KLF12: variants seen among roughly 807,000 people sequenced by gnomAD.
The protein encoded by KLF12 is Krueppel-like factor 12.
In KLF12, 9 loss-of-function variants were observed where a neutral mutation model predicts 37.8. The ratio of observed to expected loss-of-function variants is 0.24; its 90% CI spans 0.14 to 0.42. The LOEUF is 0.42. Among genes scored for constraint, KLF12 ranks in the 10% least tolerant of loss-of-function variants. The pLI is 1.00. For synonymous variants in KLF12, 208 were observed against 202.1 expected (o/e 1.03, Z -0.25); for missense variants, 411 against 516.0 (o/e 0.80, Z 1.97).
At chr13:74,305,259 C>T in the KLF12 span, among the ~76,000 whole-genome samples, 2 of 152,074 alleles carry the variant, frequency 1.3e-5, no homozygotes, top group Non-Finnish European at 2.9e-5. Context: ...GCTATATTTC[C>T]GTTGCTTTTG....
chr13:74,235,332 A>G, the KLF12 span, among the ~76,000 whole-genome samples: 25 of 152,242 alleles, frequency 1.6e-4, no homozygotes, highest in Non-Finnish European at 1.0e-4. Flanking sequence ...ACATGTGTCA[A>G]GAGTTTATCT....
chr13:74,278,472 A>C, the KLF12 span, among the ~76,000 whole-genome samples: 1 of 152,148 alleles, frequency 6.6e-6, no homozygotes, highest in Non-Finnish European at 1.5e-5. Flanking sequence ...TCCTTCTTCC[A>C]CAAGGGAATC....
chr13:74,051,483 C>G (rs1423184370), intron 1 of KLF12, among the ~76,000 whole-genome samples: 2 of 151,832 alleles, frequency 1.3e-5, no homozygotes, highest in Non-Finnish European at 2.9e-5. Flanking sequence ...GGGCATGAAA[C>G]AGGAAGAAGA....
chr13:73,835,514 A>G (rs1243021442), intron 4 of KLF12, among the ~76,000 whole-genome samples: 1 of 152,066 alleles, frequency 6.6e-6, no homozygotes, highest in Non-Finnish European at 1.5e-5. Flanking sequence ...AAGAAGACAG[A>G]AAAATGGAGG....
At chr13:73,740,948 C>G (rs1877928655) in intron 6 of KLF12, among the ~76,000 whole-genome samples, 1 of 152,118 alleles carries the variant, frequency 6.6e-6, no homozygotes, top group African/African-American at 2.4e-5. Flanking sequence ...TTTACACACC[C>G]TGAAGACAGT....
At chr13:73,824,750 G>A (rs890219685) in intron 4 of KLF12, among the ~76,000 whole-genome samples, 10 of 152,002 alleles carry the variant, frequency 6.6e-5, no homozygotes, top group African/African-American at 7.2e-5. Context: ...CCATTAGTCC[G>A]CATCAATCTA....
intron 1 of KLF12, among the ~76,000 whole-genome samples, chr13:74,018,502 T>C (rs1312829911): frequency 1.3e-5 from 2 of 152,230 alleles, no homozygotes; most frequent in African/African-American, 4.8e-5. Flanking sequence ...ATTAGCTAGA[T>C]TTAACCATTC....
At chr13:74,192,795 T>A in the KLF12 span, among the ~76,000 whole-genome samples, 1 of 152,172 alleles carries the variant, frequency 6.6e-6, no homozygotes, top group Non-Finnish European at 1.5e-5. Flanking sequence ...AATAATTTTT[T>A]AAATTCTTAG....
rs995729101 is a variant in KLF12 at position 73,691,172 on chromosome 13, T to A, written c.*4318A>T. On this transcript the variant is annotated 3_prime_UTR_variant, in exon 8 of 8. Coordinates refer to ENST00000377669, the MANE Select transcript of KLF12 (RefSeq NM_007249.5). ...TGATATTTGTTAGCCCACTGGCTGC[T>A]GCATATACAGTTGTGTACACACATG... is the stretch of plus-strand genomic sequence containing the variant. 1.3e-5 allele frequency: 2 copies of A among 152,680 alleles called. No homozygotes were observed. The highest frequency in any genetic ancestry group is 1.3e-4 in the Admixed American group (2 of 15,286). The allele number at this position is 152,680 out of a possible 1,614,324, so 9.5% of individuals were successfully genotyped here. A position where few individuals can be genotyped will look rare whatever the true frequency, so the allele number is the denominator to read the frequency against.
At chr13:74,261,317 CT>C in the KLF12 span, among the ~76,000 whole-genome samples, 1 of 152,034 alleles carries the variant, frequency 6.6e-6, no homozygotes, top group Non-Finnish European at 1.5e-5. Flanking sequence ...ATCTTCACAT[CT>C]ATATATTTTA....
intron 1 of KLF12, among the ~76,000 whole-genome samples, chr13:74,038,321 T>G (rs952007764): frequency 3.9e-5 from 6 of 152,178 alleles, no homozygotes; most frequent in Non-Finnish European, 5.9e-5. Context: ...TAGACATACA[T>G]GCATTCAGTC....
At chr13:74,234,569 A>G in the KLF12 span, among the ~76,000 whole-genome samples, 1 of 152,214 alleles carries the variant, frequency 6.6e-6, no homozygotes, top group Non-Finnish European at 1.5e-5. Context: ...AAAGCTGTCC[A>G]TATTTTTAAA....
chr13:74,082,194 G>T (rs1481699271), intron 1 of KLF12, among the ~76,000 whole-genome samples: 1 of 133,584 alleles, frequency 7.5e-6, no homozygotes, highest in African/African-American at 3.2e-5. Context: ...TTAGCCAGGT[G>T]TGGTGGTGCG....
chr13:74,008,144 T>C (rs80271560), intron 1 of KLF12, among the ~76,000 whole-genome samples: 6,410 of 152,306 alleles, frequency 0.042, 186 homozygotes, highest in African/African-American at 0.077. Context: ...CATATACTTA[T>C]GATTTATACA....
chr13:73,862,895 A>C (rs1447388672), intron 3 of KLF12, among the ~76,000 whole-genome samples: 3 of 152,194 alleles, frequency 2.0e-5, no homozygotes, highest in Non-Finnish European at 4.4e-5. Flanking sequence ...TTAATTATTA[A>C]GTAAATTAGC....
intron 3 of KLF12, among the ~76,000 whole-genome samples, chr13:73,910,645 A>G (rs1040527277): frequency 2.6e-5 from 4 of 152,160 alleles, no homozygotes; most frequent in African/African-American, 9.7e-5. Flanking sequence ...AGGTTTTGAG[A>G]TCTATGGCAC....
At chr13:73,788,410 A>G (rs996434873) in intron 5 of KLF12, among the ~76,000 whole-genome samples, 1 of 152,190 alleles carries the variant, frequency 6.6e-6, no homozygotes, top group African/African-American at 2.4e-5. Flanking sequence ...CAGAAAATCA[A>G]TGAAGATACA....
chr13:74,086,275 C>G (rs1381161754), intron 1 of KLF12, among the ~76,000 whole-genome samples: 2 of 124,664 alleles, frequency 1.6e-5, no homozygotes, highest in East Asian at 5.4e-4. Flanking sequence ...CCCCTCCCCC[C>G]ACCCCACAAC....
chr13:74,248,440 TA>T, the KLF12 span, among the ~76,000 whole-genome samples: 1 of 152,350 alleles, frequency 6.6e-6, no homozygotes, highest in Middle Eastern at 3.4e-3. Context: ...GTTCTAAAAG[TA>T]AGCTTCATAT....
Sources: allele counts gnomAD v4.1 joint callset (sites outside exome capture counted in the v4.1 genomes callset), GRCh38; gene constraint gnomAD v4.1.1; transcripts MANE v1.5; gene names NCBI Gene and HGNC (gene_info 2026-07-23, HGNC 2026-07-21).